Variants in RNF128 observed in about 807,000 individuals in gnomAD.
RNF128 encodes the protein ring finger protein 128.
Under a neutral mutation model 26.2 loss-of-function variants are expected in RNF128, and 13 were observed. The ratio of observed to expected loss-of-function variants is 0.50; its 90% CI spans 0.32 to 0.79. RNF128 has a LOEUF of 0.79. Ranked by LOEUF, RNF128 falls within the 30% of genes least tolerant of loss-of-function variation. RNF128 has a pLI of 0.03. For missense variants in RNF128, 315 were observed against 349.7 expected (o/e 0.90, Z 0.79); for synonymous variants, 149 against 142.5 (o/e 1.05, Z -0.32).
At chrX:106,729,321 C>A (rs375658024) in intron 1 of RNF128, among the ~76,000 whole-genome samples, 3 of 110,737 alleles carry the variant, frequency 2.7e-5, no homozygotes, top group African/African-American at 9.9e-5. Context: ...GCTTTGTGTC[C>A]TTGGTAGGAT....
At chrX:106,778,316 A>T (rs978453812) in intron 2 of RNF128, among the ~76,000 whole-genome samples, 6 of 112,088 alleles carry the variant, frequency 5.4e-5, no homozygotes, top group Non-Finnish European at 1.1e-4. Context: ...GATAATATAT[A>T]AATACTGTAC....
upstream of RNF128, among the ~76,000 whole-genome samples, chrX:106,723,749 G>A (rs1287057099): frequency 9.0e-6 from 1 of 110,597 alleles, no homozygotes; most frequent in Non-Finnish European, 1.9e-5. Flanking sequence ...ATATACTCTT[G>A]CCTGTGCCTG....
chrX:106,726,522 T>C (rs1929394585), upstream of RNF128: 2 of 395,758 alleles, frequency 5.1e-6, no homozygotes, highest in South Asian at 1.3e-4. Context: ...GTCCGTTTTT[T>C]ATAAAACGAC....
At chrX:106,694,072 G>A in exon 1 of RNF128, 1 of 1,204,809 alleles carries the variant, frequency 8.3e-7, no homozygotes, top group Non-Finnish European at 1.1e-6. Context: ...TAAAATTACA[G>A]CATCTTTTTC....
chrX:106,771,720 G>T (rs1166221582), intron 1 of RNF128, among the ~76,000 whole-genome samples: 2 of 112,769 alleles, frequency 1.8e-5, no homozygotes, highest in East Asian at 5.6e-4. Flanking sequence ...GCGATGGCCT[G>T]CCCTGCTCCG....
chrX:106,769,392 G>T (rs1332043396), intron 1 of RNF128, among the ~76,000 whole-genome samples: 1 of 110,837 alleles, frequency 9.0e-6, no homozygotes, highest in Non-Finnish European at 1.9e-5. Context: ...ATAAATCTGG[G>T]TGCTCCTGTA....
At chrX:106,743,108 GACAA>G (rs987909056) in intron 1 of RNF128, among the ~76,000 whole-genome samples, 1 of 111,223 alleles carries the variant, frequency 9.0e-6, no homozygotes, top group African/African-American at 3.3e-5. Context: ...AAGATCCACT[GACAA>G]ACAACAGTTA....
Position 106,795,630 on chromosome X carries a change from G to A in RNF128, c.1204G>A (p.Val402Ile). ...TGAAGCAAATTCTGTGGCAGTGGAT[G>A]TTATTCCTCATGTTGACAACCCAAC... ...NHEANSVAVD[V>I]IPHVDNPTFE... Residue 402 changes from valine to isoleucine, a missense_variant, in exon 7 of 7, where the codon GTT (valine) becomes ATT (isoleucine). Physicochemically the swap from Val to Ile is conservative, Grantham distance 29 (BLOSUM62 3). Transcript: ENST00000255499. 8.3e-7 allele frequency: 1 copy of A among 1,201,637 alleles called. No homozygotes were observed. The highest frequency in any genetic ancestry group is 1.1e-6 in the Non-Finnish European group (1 of 889,524).
At chrX:106,762,629 C>G (rs1930139988) in intron 1 of RNF128, among the ~76,000 whole-genome samples, 1 of 110,861 alleles carries the variant, frequency 9.0e-6, no homozygotes, top group African/African-American at 3.3e-5. Context: ...ATTTTTTAAA[C>G]TTTTATTTTA....
At chrX:106,693,892 G>A (rs989104747) in exon 1 of RNF128, 1 of 610,481 alleles carries the variant, frequency 1.6e-6, no homozygotes, top group Non-Finnish European at 2.6e-6. Context: ...AGTTACCTAC[G>A]TGCAACTGAA....
chrX:106,693,923 A>G, exon 1 of RNF128: 2 of 911,397 alleles, frequency 2.2e-6, no homozygotes, highest in Non-Finnish European at 3.1e-6. Context: ...TCTGTTCAGC[A>G]GGGACGTGAG....
chrX:106,710,923 A>C (rs1929117171), intron 1 of RNF128, among the ~76,000 whole-genome samples: 1 of 111,332 alleles, frequency 9.0e-6, no homozygotes, highest in Non-Finnish European at 1.9e-5. Context: ...TGGTCAACTA[A>C]AATGTGATTT....
chrX:106,787,712 T>A (rs1930681713), intron 3 of RNF128, among the ~76,000 whole-genome samples: 3 of 111,266 alleles, frequency 2.7e-5, no homozygotes, highest in African/African-American at 9.7e-5. Flanking sequence ...TCCCCTTTTG[T>A]TTCAGTTTAT....
intron 1 of RNF128, among the ~76,000 whole-genome samples, chrX:106,766,637 G>A (rs1057177606): frequency 2.7e-5 from 3 of 111,865 alleles, no homozygotes; most frequent in African/African-American, 6.5e-5. Context: ...TGGGTAAATT[G>A]TAAAACTTTT....
At chrX:106,719,418 G>A (rs1370654425) in intron 1 of RNF128, among the ~76,000 whole-genome samples, 2 of 111,323 alleles carry the variant, frequency 1.8e-5, no homozygotes, top group East Asian at 2.8e-4. Context: ...ATGGGGTTTC[G>A]CCATGTTGGC....
chrX:106,770,917 C>T (rs1384316495), intron 1 of RNF128, among the ~76,000 whole-genome samples: 1 of 111,995 alleles, frequency 8.9e-6, no homozygotes, highest in Non-Finnish European at 1.9e-5. Context: ...ATGATGGTGA[C>T]GTACTGACAG....
chrX:106,750,411 C>A (rs1369756933), intron 1 of RNF128, among the ~76,000 whole-genome samples: 1 of 112,190 alleles, frequency 8.9e-6, no homozygotes, highest in Non-Finnish European at 1.9e-5. Flanking sequence ...TCTTCACTTA[C>A]TAGCTTGTGT....
At chrX:106,694,371 A>G (rs768221747) in exon 1 of RNF128, 1 of 1,199,341 alleles carries the variant, frequency 8.3e-7, no homozygotes, top group African/African-American at 1.8e-5. Flanking sequence ...ACAATGCTCC[A>G]GAGACTGGCA....
intron 1 of RNF128, among the ~76,000 whole-genome samples, chrX:106,704,349 C>A (rs1929009869): frequency 9.7e-6 from 1 of 102,783 alleles, no homozygotes; most frequent in East Asian, 3.1e-4. Context: ...AGGAGAATGG[C>A]GTGAACCCGG....
Sources: allele counts gnomAD v4.1 joint callset (sites outside exome capture counted in the v4.1 genomes callset), GRCh38; gene constraint gnomAD v4.1.1; transcripts MANE v1.5; gene names NCBI Gene and HGNC (gene_info 2026-07-23, HGNC 2026-07-21).